The following LSAMP variants were observed in gnomAD, a reference collection of about 807,000 sequenced individuals.
The protein encoded by LSAMP is limbic system associated membrane protein.
A neutral mutation model predicts 38.6 loss-of-function variants in LSAMP; 7 were observed. The observed-to-expected ratio is 0.18, with a 90% confidence interval of 0.10 to 0.34. The LOEUF is 0.34. LSAMP is among the 10% of genes least tolerant of loss of function. The probability of loss-of-function intolerance (pLI) is 1.00; values close to 1 mark genes in which losing one functional copy is unlikely to be tolerated. For synonymous variants in LSAMP, 154 were observed against 166.8 expected, an observed-to-expected ratio of 0.92 and a Z score of 0.59; for missense variants, 313 against 420.0, an observed-to-expected ratio of 0.75 and a Z score of 2.23.
intron 1 of LSAMP, among the ~76,000 whole-genome samples, chr3:116,270,753 C>G (rs146369654): frequency 8.5e-5 from 13 of 152,192 alleles, no homozygotes; most frequent in African/African-American, 2.4e-4. Context: ...GCTGCAAACA[C>G]AGAATGTCAC....
intron 1 of LSAMP, among the ~76,000 whole-genome samples, chr3:116,392,567 C>A (rs989593692): frequency 7.2e-5 from 11 of 152,228 alleles, no homozygotes; most frequent in Admixed American, 6.5e-4. Flanking sequence ...CCTGAAGGTG[C>A]CCCTTGGCAT....
chr3:116,022,074 T>C (rs564002226), intron 2 of LSAMP, among the ~76,000 whole-genome samples: 1 of 152,294 alleles, frequency 6.6e-6, no homozygotes, highest in South Asian at 2.1e-4. Flanking sequence ...GTAATCACGC[T>C]GTATCAGTGT....
intron 1 of LSAMP, among the ~76,000 whole-genome samples, chr3:116,425,641 G>A (rs900841679): frequency 2.6e-5 from 4 of 152,106 alleles, no homozygotes; most frequent in African/African-American, 9.7e-5. Flanking sequence ...AACCGTCTAT[G>A]ACTTAGGGAG....
intron 1 of LSAMP, among the ~76,000 whole-genome samples, chr3:116,427,527 C>G (rs1285147697): frequency 6.6e-6 from 1 of 152,106 alleles, no homozygotes; most frequent in Non-Finnish European, 1.5e-5. Context: ...TTTATTGTTA[C>G]TTAATGTTTT....
intron 4 of LSAMP, among the ~76,000 whole-genome samples, chr3:115,846,209 C>T (rs1935153594): frequency 6.6e-6 from 1 of 152,148 alleles, no homozygotes; most frequent in African/African-American, 2.4e-5. Context: ...AAATGCTGCA[C>T]AGAGAGGTCC....
chr3:115,931,962 G>A (rs1216335162), intron 3 of LSAMP, among the ~76,000 whole-genome samples: 2 of 152,150 alleles, frequency 1.3e-5, no homozygotes, highest in Non-Finnish European at 2.9e-5. Flanking sequence ...ATTGAGCTGG[G>A]CGATGTGGGG....
chr3:115,978,189 G>A (rs1214048696), intron 3 of LSAMP, among the ~76,000 whole-genome samples: 1 of 151,992 alleles, frequency 6.6e-6, no homozygotes, highest in Non-Finnish European at 1.5e-5. Context: ...GCAAGGAAAT[G>A]GTAGTTATTT....
intron 2 of LSAMP, among the ~76,000 whole-genome samples, chr3:116,029,156 AG>A (rs777784691): frequency 1.3e-5 from 2 of 152,142 alleles, no homozygotes; most frequent in Non-Finnish European, 2.9e-5. Flanking sequence ...AGATATTGCC[AG>A]GTGATTTGTG....
At chr3:116,177,213 T>C (rs1710368563) in intron 1 of LSAMP, among the ~76,000 whole-genome samples, 1 of 152,098 alleles carries the variant, frequency 6.6e-6, no homozygotes, top group African/African-American at 2.4e-5. Context: ...GGGCTTTATA[T>C]AACACTGATT....
chr3:115,906,401 A>T (rs539731390), intron 3 of LSAMP, among the ~76,000 whole-genome samples: 1 of 152,276 alleles, frequency 6.6e-6, no homozygotes, highest in Admixed American at 6.5e-5. Flanking sequence ...AAATGACTTA[A>T]ATGAATCAGA....
chr3:116,440,443 T>G (rs2049417619), intron 1 of LSAMP, among the ~76,000 whole-genome samples: 1 of 152,202 alleles, frequency 6.6e-6, no homozygotes, highest in Non-Finnish European at 1.5e-5. Flanking sequence ...CTTTCCACAA[T>G]TCTACAAATA....
At chr3:116,021,077 T>A (rs143865422) in intron 2 of LSAMP, among the ~76,000 whole-genome samples, 46 of 152,140 alleles carry the variant, frequency 3.0e-4, no homozygotes, top group African/African-American at 1.0e-3. Context: ...ATGAGGACCC[T>A]CTCCACCTCA....
chr3:116,032,332 T>G (rs1940945161), intron 2 of LSAMP, among the ~76,000 whole-genome samples: 1 of 152,162 alleles, frequency 6.6e-6, no homozygotes, highest in African/African-American at 2.4e-5. Flanking sequence ...GCCCGTGTGA[T>G]AGCTCAGACA....
chr3:116,077,340 G>T (rs1707767130), intron 2 of LSAMP, among the ~76,000 whole-genome samples: 1 of 151,556 alleles, frequency 6.6e-6, no homozygotes, highest in Non-Finnish European at 1.5e-5. Context: ...TCTATACTTA[G>T]CTCACTAAAT....
At chr3:116,269,484 A>C (rs1405199752) in intron 1 of LSAMP, among the ~76,000 whole-genome samples, 1 of 152,112 alleles carries the variant, frequency 6.6e-6, no homozygotes, top group Non-Finnish European at 1.5e-5. Flanking sequence ...TGAATACTAC[A>C]TAATGATCTG....
chr3:116,264,878 G>GA (rs74579840), intron 1 of LSAMP, among the ~76,000 whole-genome samples: 2,083 of 148,506 alleles, frequency 0.014, 23 homozygotes, highest in Middle Eastern at 0.021. Flanking sequence ...AGTGCTGGGG[G>GA]AAAAAAAAAA....
intron 1 of LSAMP, among the ~76,000 whole-genome samples, chr3:116,110,950 T>A (rs936984306): frequency 1.4e-5 from 2 of 147,128 alleles, no homozygotes; most frequent in Non-Finnish European, 1.5e-5. Flanking sequence ...AGGAAGGTAA[T>A]GGAAAATTAC....
chr3:115,934,725 T>C (rs1322137189), intron 3 of LSAMP, among the ~76,000 whole-genome samples: 1 of 152,198 alleles, frequency 6.6e-6, no homozygotes, highest in Non-Finnish European at 1.5e-5. Flanking sequence ...TGTAGAAGAA[T>C]GATTCTGGGT....
intron 3 of LSAMP, among the ~76,000 whole-genome samples, chr3:115,980,903 T>C (rs1434631924): frequency 1.3e-5 from 2 of 152,162 alleles, no homozygotes; most frequent in African/African-American, 2.4e-5. Context: ...AACCTCGCTA[T>C]GTTTTTTTAA....
Sources: gnomAD v4.1 joint callset for allele counts (sites outside exome capture counted in the v4.1 genomes callset) on GRCh38, gnomAD v4.1.1 for gene constraint, MANE v1.5 for transcripts, NCBI Gene and HGNC (gene_info 2026-07-23, HGNC 2026-07-21) for gene names.